Variants in UBL3 observed in about 807,000 individuals in gnomAD.
UBL3 encodes the protein ubiquitin like 3.
UBL3 carries 6 observed loss-of-function variants against 18.4 expected under a neutral mutation model. That is an observed-to-expected ratio of 0.33 (90% CI 0.18 to 0.64). The LOEUF is 0.64. Among genes scored for constraint, UBL3 ranks in the 30% least tolerant of loss-of-function variants. The probability of loss-of-function intolerance (pLI) is 0.76; values close to 1 mark genes in which losing one functional copy is unlikely to be tolerated. For synonymous variants in UBL3, 49 were observed against 46.6 expected, an observed-to-expected ratio of 1.05 and a Z score of -0.21; for missense variants, 109 against 142.9, an observed-to-expected ratio of 0.76 and a Z score of 1.21.
chr13:29,795,171 T>C (rs1877577250), intron 1 of UBL3, among the ~76,000 whole-genome samples: 1 of 152,310 alleles, frequency 6.6e-6, no homozygotes. Context: ...GGGATAACTC[T>C]ACTACTGGAT....
chr13:29,780,367 A>AAAAAAAT (rs1359464345), intron 1 of UBL3, among the ~76,000 whole-genome samples: 12 of 103,306 alleles, frequency 1.2e-4, no homozygotes, highest in East Asian at 3.9e-4. Context: ...AAAAAAAAAA[A>AAAAAAAT]ATATATATAT....
intron 1 of UBL3, among the ~76,000 whole-genome samples, chr13:29,837,759 G>A (rs76417167): frequency 0.043 from 6,586 of 151,738 alleles, 457 homozygotes; most frequent in African/African-American, 0.15. Flanking sequence ...GCAAAACCAC[G>A]TCTCTATGAA....
intron 1 of UBL3, among the ~76,000 whole-genome samples, chr13:29,819,852 C>A (rs1878379251): frequency 6.6e-6 from 1 of 152,006 alleles, no homozygotes; most frequent in Non-Finnish European, 1.5e-5. Flanking sequence ...GACCTGAGAC[C>A]TCTATCACAG....
chr13:29,831,644 A>C (rs1484085208), intron 1 of UBL3, among the ~76,000 whole-genome samples: 1 of 151,794 alleles, frequency 6.6e-6, no homozygotes, highest in Non-Finnish European at 1.5e-5. Context: ...ATGTCTTTCT[A>C]TATGATAGTT....
Position 29,766,658 on chromosome 13 carries a change from G to A in UBL3, c.*597C>T, listed in dbSNP as rs940580463. ...ATTTTGTTTTTTCATTTGTTGCAGT[G>A]AAAATAGTCACACTCAGTTTAGTAT... On this transcript the variant is annotated 3_prime_UTR_variant, in exon 5 of 5. Coordinates refer to ENST00000380680, the MANE Select transcript of UBL3 (RefSeq NM_007106.4). The A allele has an allele frequency of 2.6e-5, 4 of 152,448 alleles. No homozygotes were observed. Among genetic ancestry groups the A allele is most frequent in the African/African-American group, 7.2e-5 (3 of 41,432 alleles). 9.4% of individuals were successfully genotyped at this position (152,448 alleles called of 1,614,324 possible). A position where few individuals can be genotyped will look rare whatever the true frequency, so the allele number is the denominator to read the frequency against.
At chr13:29,815,578 A>T (rs985507443) in intron 1 of UBL3, among the ~76,000 whole-genome samples, 1 of 152,182 alleles carries the variant, frequency 6.6e-6, no homozygotes, top group Non-Finnish European at 1.5e-5. Flanking sequence ...TCTGAATGCC[A>T]CTTTATTCCC....
chr13:29,781,267 G>A, intron 1 of UBL3, among the ~76,000 whole-genome samples: 1 of 152,138 alleles, frequency 6.6e-6, no homozygotes. Flanking sequence ...GCATGGATGT[G>A]TATATCTCAC....
rs1016115585 is a variant in UBL3, at chr13:29,766,038, T to A, written c.*1217A>T. Reference sequence around the variant, plus strand: ...TTTATTAAATATATTCTACACATATTTGTAATTTCATCCAGGAAGAATTTC... The same window carrying A: ...TTTATTAAATATATTCTACACATATATGTAATTTCATCCAGGAAGAATTTC... On this transcript the variant is annotated 3_prime_UTR_variant, in exon 5 of 5. Coordinates refer to ENST00000380680, the MANE Select transcript of UBL3 (RefSeq NM_007106.4). 6.6e-6 allele frequency: 1 copy of A among 152,566 alleles called. No individual in the cohort carries two copies. The highest frequency in any genetic ancestry group is 6.5e-5 in the Admixed American group (1 of 15,268). The allele number at this position is 152,566 out of a possible 1,614,324, so 9.5% of individuals were successfully genotyped here.
intron 1 of UBL3, among the ~76,000 whole-genome samples, chr13:29,818,596 G>C (rs895663144): frequency 1.3e-5 from 2 of 152,100 alleles, no homozygotes; most frequent in African/African-American, 2.4e-5. Context: ...TTTCAAAAAA[G>C]TGTTTGTTTC....
chr13:29,803,437 T>C (rs749738487), intron 1 of UBL3, among the ~76,000 whole-genome samples: 9 of 152,168 alleles, frequency 5.9e-5, no homozygotes, highest in African/African-American at 9.7e-5. Context: ...CATATCAATA[T>C]TAACCTTGAC....
intron 2 of UBL3, among the ~76,000 whole-genome samples, chr13:29,775,357 T>A (rs937496274): frequency 6.6e-6 from 1 of 152,200 alleles, no homozygotes; most frequent in East Asian, 1.9e-4. Flanking sequence ...CAACTAGAGA[T>A]CTACAAGAAT....
chr13:29,793,398 G>A (rs1877530866), intron 1 of UBL3, among the ~76,000 whole-genome samples: 1 of 152,012 alleles, frequency 6.6e-6, no homozygotes, highest in Non-Finnish European at 1.5e-5. Flanking sequence ...CATATTTTTT[G>A]CAAATTTAGA....
intron 1 of UBL3, among the ~76,000 whole-genome samples, chr13:29,841,700 T>C (rs947258772): frequency 1.3e-5 from 2 of 152,154 alleles, no homozygotes; most frequent in African/African-American, 2.4e-5. Context: ...TCAGTTACCG[T>C]TGTGGGGAGG....
At chr13:29,788,868 T>TGC (rs1431844892) in intron 1 of UBL3, among the ~76,000 whole-genome samples, 10 of 20,464 alleles carry the variant, frequency 4.9e-4, no homozygotes, top group Admixed American at 1.4e-3. Flanking sequence ...TGTGTGTGTG[T>TGC]GTGCGCGCGC....
intron 1 of UBL3, among the ~76,000 whole-genome samples, chr13:29,843,931 A>G (rs1387979347): frequency 1.3e-5 from 2 of 152,240 alleles, no homozygotes; most frequent in Non-Finnish European, 2.9e-5. Flanking sequence ...GGATAAGAAC[A>G]GCATATAGAA....
At chr13:29,794,230 T>C (rs958246021) in intron 1 of UBL3, among the ~76,000 whole-genome samples, 1 of 152,212 alleles carries the variant, frequency 6.6e-6, no homozygotes, top group Non-Finnish European at 1.5e-5. Flanking sequence ...CCTTACTTTA[T>C]CTTAAAAGTT....
chr13:29,772,055 A>T, intron 3 of UBL3, 57 bp downstream of exon 3: 1 of 1,431,912 alleles, frequency 7.0e-7, no homozygotes, highest in Non-Finnish European at 9.6e-7. Context: ...ATTTAAAACA[A>T]GCGAATCATG....
At chr13:29,799,123 C>T (rs534920053) in intron 1 of UBL3, among the ~76,000 whole-genome samples, 4 of 152,250 alleles carry the variant, frequency 2.6e-5, no homozygotes, top group East Asian at 1.9e-4. Context: ...GTGGGGGGAG[C>T]TGTTTTGTGC....
At chr13:29,769,301 G>T (rs1876775649) in intron 3 of UBL3, among the ~76,000 whole-genome samples, 1 of 152,074 alleles carries the variant, frequency 6.6e-6, no homozygotes, top group South Asian at 2.1e-4. Flanking sequence ...TAATGCGTGG[G>T]AGCTATTATT....
Sources: allele counts gnomAD v4.1 joint callset (sites outside exome capture counted in the v4.1 genomes callset), GRCh38; gene constraint gnomAD v4.1.1; transcripts MANE v1.5; gene names NCBI Gene and HGNC (gene_info 2026-07-23, HGNC 2026-07-21).